SYT2: variants seen among roughly 807,000 people sequenced by gnomAD.
SYT2 encodes the protein synaptotagmin-2.
In SYT2, 15 loss-of-function variants were observed where a neutral mutation model predicts 39.9. The observed-to-expected ratio is 0.38, with a 90% CI of 0.25 to 0.58. The LOEUF is 0.58. Ranked by LOEUF, SYT2 falls within the 20% of genes least tolerant of loss-of-function variation. The pLI is 0.70. For synonymous variants in SYT2, 181 were observed against 204.5 expected, an observed-to-expected ratio of 0.89 and a Z score of 0.98; for missense variants, 389 against 530.3, an observed-to-expected ratio of 0.73 and a Z score of 2.62.
chr1:202,600,181 A>G (rs1452043258), intron 7 of SYT2, among the ~76,000 whole-genome samples, 176 bp downstream of exon 7: 1 of 152,226 alleles, frequency 6.6e-6, no homozygotes, highest in Non-Finnish European at 1.5e-5. Flanking sequence ...GATGGGGACA[A>G]GGGGCCCTTG....
chr1:202,607,537 G>T (rs1690747827), intron 1 of SYT2, among the ~76,000 whole-genome samples: 1 of 152,150 alleles, frequency 6.6e-6, no homozygotes, highest in African/African-American at 2.4e-5. Context: ...GAGCTCTTAA[G>T]TTCTGTCCCT....
chr1:202,702,316 G>A (rs931505871), intron 1 of SYT2, among the ~76,000 whole-genome samples: 2 of 152,210 alleles, frequency 1.3e-5, no homozygotes, highest in East Asian at 3.9e-4. Flanking sequence ...GCATCAAAGA[G>A]CTAATCCAAT....
At chr1:202,604,159 T>G in intron 3 of SYT2, 1 of 322,020 alleles carries the variant, frequency 3.1e-6, no homozygotes, top group East Asian at 6.0e-5. Flanking sequence ...GTCTTGCTGG[T>G]GTGGGGCTGT....
intron 1 of SYT2, among the ~76,000 whole-genome samples, chr1:202,646,492 C>T (rs1194576582): frequency 2.0e-5 from 3 of 152,198 alleles, no homozygotes; most frequent in Non-Finnish European, 2.9e-5. Flanking sequence ...AGGACCCCTG[C>T]TCACCGAGCC....
rs148061975 is a variant in SYT2 at position 202,684,828 on chromosome 1, C to G, written c.-18+25430G>C. On this transcript the variant is annotated intron_variant, in intron 1 of 8. Transcript: ENST00000367268. ...AGGCCATGATGTTCTGATGAAATGC[C>G]CCATCCTGACTGATCCATCTCTAAC... Among the ~76,000 whole-genome samples the G allele has an allele frequency of 4.6e-3, 701 of 152,290 alleles. 7 individuals are homozygous for G. Among genetic ancestry groups the G allele is most frequent in the African/African-American group, 0.016 (669 of 41,554 alleles).
At chr1:202,611,271 T>A (rs570925926) in intron 1 of SYT2, among the ~76,000 whole-genome samples, 1 of 152,372 alleles carries the variant, frequency 6.6e-6, no homozygotes, top group South Asian at 2.1e-4. Context: ...ATATTCTGCA[T>A]ACCAGTTCCT....
At chr1:202,663,650 TC>T (rs1692428586) in intron 1 of SYT2, among the ~76,000 whole-genome samples, 1 of 152,166 alleles carries the variant, frequency 6.6e-6, no homozygotes, top group Non-Finnish European at 1.5e-5. Flanking sequence ...TATTCTACAA[TC>T]CCCTTTTACC....
In SYT2 at chr1:202,658,549, TAAG is replaced by T. The variant is rs371855715; in HGVS notation, c.-18+51706_-18+51708del. Reference sequence around the variant, plus strand: ...CTATGACAGCAGCTGCCAGAGGGGGTAAGAAGACTGGGGGCCTAGGTGCAAGCT... The same window carrying T: ...CTATGACAGCAGCTGCCAGAGGGGGTAAGACTGGGGGCCTAGGTGCAAGCT... On this transcript the variant is annotated intron_variant, in intron 1 of 8. Coordinates refer to ENST00000367268, the MANE Select transcript of SYT2 (RefSeq NM_177402.5). Among the ~76,000 whole-genome samples the T allele has an allele frequency of 2.9e-3, 441 of 151,788 alleles. 4 individuals are homozygous for T. The highest frequency in any genetic ancestry group is 0.01 in the African/African-American group (426 of 41,378).
intron 1 of SYT2, among the ~76,000 whole-genome samples, chr1:202,703,527 G>A (rs998634430): frequency 6.6e-6 from 1 of 152,074 alleles, no homozygotes; most frequent in Non-Finnish European, 1.5e-5. Context: ...AGGAAACTGG[G>A]AGAAGAGCCC....
intron 1 of SYT2, chr1:202,632,014 G>T (rs939039176): frequency 1.0e-6 from 1 of 985,162 alleles, no homozygotes; most frequent in African/African-American, 1.7e-5. Context: ...CCAATTATGT[G>T]AGGACCACAA....
intron 1 of SYT2, among the ~76,000 whole-genome samples, chr1:202,621,789 G>C (rs191970532): frequency 8.5e-5 from 13 of 152,344 alleles, no homozygotes; most frequent in Non-Finnish European, 1.5e-4. Context: ...CAGGAGACTG[G>C]AAGCCCTGCT....
chr1:202,697,941 T>G (rs940018926), intron 1 of SYT2, among the ~76,000 whole-genome samples: 9 of 152,184 alleles, frequency 5.9e-5, no homozygotes, highest in African/African-American at 2.2e-4. Context: ...ATTTCTTCCT[T>G]GCTGATAGCT....
intron 8 of SYT2, among the ~76,000 whole-genome samples, chr1:202,598,261 G>A (rs1196711400): frequency 1.3e-5 from 2 of 152,224 alleles, no homozygotes; most frequent in Non-Finnish European, 2.9e-5. Context: ...ATTGAAAACA[G>A]AATTCAGATG....
chr1:202,669,015 G>A (rs1216176234), intron 1 of SYT2, among the ~76,000 whole-genome samples: 2 of 152,162 alleles, frequency 1.3e-5, no homozygotes, highest in Non-Finnish European at 2.9e-5. Context: ...AGGAATTCGG[G>A]ACCTGTTGAT....
At chr1:202,624,535 T>A (rs1422905061) in intron 1 of SYT2, among the ~76,000 whole-genome samples, 1 of 140,694 alleles carries the variant, frequency 7.1e-6, no homozygotes, top group Non-Finnish European at 1.6e-5. Flanking sequence ...TGTAGTAGAG[T>A]GTGGATGTGT....
intron 1 of SYT2, among the ~76,000 whole-genome samples, chr1:202,615,725 C>T (rs1691014341): frequency 6.6e-6 from 1 of 152,210 alleles, no homozygotes; most frequent in Non-Finnish European, 1.5e-5. Flanking sequence ...TGCCACCAGC[C>T]ACAAACCCAC....
Position 202,593,002 on chromosome 1 carries a change from A to G in SYT2, c.*3755T>C, listed in dbSNP as rs1197338553. On this transcript the variant is annotated 3_prime_UTR_variant, in exon 9 of 9. Transcript: ENST00000367268. The stretch of plus-strand genomic sequence containing the variant: ...ATTTGCCAAATCTGGCAACCATAGC[A>G]TGGGGCTCAGGGCCACCAGGATCTT... 1 of 152,202 alleles carries G rather than the reference A, an allele frequency of 6.6e-6. No homozygotes were observed. Among genetic ancestry groups the G allele is most frequent in the East Asian group, 1.9e-4 (1 of 5,198 alleles). The allele number at this position is 152,202 out of a possible 1,614,324, so 9.4% of individuals were successfully genotyped here. A position where few individuals can be genotyped will look rare whatever the true frequency, so the allele number is the denominator to read the frequency against.
At chr1:202,695,134 AC>A (rs1156388406) in intron 1 of SYT2, among the ~76,000 whole-genome samples, 3 of 151,920 alleles carry the variant, frequency 2.0e-5, no homozygotes, top group Non-Finnish European at 4.4e-5. Context: ...GGTGTAGAGC[AC>A]CTTCCTCAGT....
chr1:202,610,931 T>C (rs1382466393), intron 1 of SYT2, among the ~76,000 whole-genome samples: 2 of 152,066 alleles, frequency 1.3e-5, no homozygotes, highest in Non-Finnish European at 2.9e-5. Flanking sequence ...GCCATCCCCA[T>C]CAAGCTACCA....
Sources: allele counts gnomAD v4.1 joint callset (sites outside exome capture counted in the v4.1 genomes callset), GRCh38; gene constraint gnomAD v4.1.1; transcripts MANE v1.5; gene names NCBI Gene and HGNC (gene_info 2026-07-23, HGNC 2026-07-21).